The following VAT1L variants were observed in gnomAD, a reference collection of about 807,000 sequenced individuals.
The protein encoded by VAT1L is putative NADPH-dependent quinone oxidoreductase VAT1L.
Under a neutral mutation model 44.1 loss-of-function variants are expected in VAT1L, and 34 were observed. The ratio of observed to expected loss-of-function variants is 0.77; its 90% CI spans 0.59 to 1.03. The LOEUF is 1.03. Ranked by LOEUF, VAT1L falls within the 50% of genes least tolerant of loss-of-function variation. The pLI is 0.00. For synonymous variants in VAT1L, 253 were observed against 202.2 expected, an observed-to-expected ratio of 1.25 and a Z score of -2.13; for missense variants, 615 against 538.8, an observed-to-expected ratio of 1.14 and a Z score of -1.40.
chr16:77,879,346 A>G lies in VAT1L; in HGVS notation c.882+122A>G, dbSNP rs543357582. On this transcript the variant is annotated intron_variant, in intron 6 of 8. Coordinates refer to ENST00000302536, the MANE Select transcript of VAT1L (RefSeq NM_020927.3). This position sits in a 1 kb window ranked among gnomAD's most constrained non-coding sequence, Gnocchi z 4.1. ...TCGTTCTGTCACCAGGCTGGAGTGC[A>G]ATGGCACGATCTCGGCTCATGGCAA... 2.8e-6 allele frequency: 3 copies of G among 1,067,396 alleles called. No individual in the cohort carries two copies. The South Asian group carries it at 4.0e-5, about 14-fold the overall frequency. The allele number at this position is 1,067,396 out of a possible 1,614,324, so 66.1% of individuals were successfully genotyped here. A position where few individuals can be genotyped will look rare whatever the true frequency, so the allele number is the denominator to read the frequency against.
intron 3 of VAT1L, among the ~76,000 whole-genome samples, chr16:77,834,844 T>G (rs1597058010): frequency 6.6e-6 from 1 of 152,126 alleles, no homozygotes; most frequent in Non-Finnish European, 1.5e-5. Context: ...GTCCAAAGCT[T>G]ACCACCGCGA....
chr16:77,969,904 C>T (rs1433604210), intron 7 of VAT1L, among the ~76,000 whole-genome samples: 1 of 151,856 alleles, frequency 6.6e-6, no homozygotes, highest in East Asian at 1.9e-4. Flanking sequence ...TTTTAACAAT[C>T]ATATGACACT....
chr16:77,958,040 T>G (rs2018122578), intron 7 of VAT1L, among the ~76,000 whole-genome samples: 1 of 152,128 alleles, frequency 6.6e-6, no homozygotes, highest in African/African-American at 2.4e-5. Context: ...TCCAAGTAGC[T>G]GGGACTACAG....
rs145640819 is a variant in VAT1L at position 77,860,872 on chromosome 16, G to A, written c.580-1876G>A. On this transcript the variant is annotated intron_variant, in intron 3 of 8. Transcript: ENST00000302536. The stretch of plus-strand genomic sequence containing the variant: ...TGTGCCAGCAACATGTCTATTTTAG[G>A]TAGGAAGTTTAAAGCCTGCTTTGCT... Among the ~76,000 whole-genome samples the A allele has an allele frequency of 1.5e-3, 230 of 152,300 alleles. 1 individual carries two copies. Among genetic ancestry groups the A allele is most frequent in the South Asian group, 5.4e-3 (26 of 4,822 alleles).
chr16:77,791,749 G>C (rs1283101052), intron 1 of VAT1L, among the ~76,000 whole-genome samples: 1 of 152,150 alleles, frequency 6.6e-6, no homozygotes, highest in African/African-American at 2.4e-5. Context: ...ATATTCTCTA[G>C]CTATTTCCAA....
At chr16:77,852,020 C>T (rs1400120116) in intron 3 of VAT1L, among the ~76,000 whole-genome samples, 1 of 152,174 alleles carries the variant, frequency 6.6e-6, no homozygotes, top group Non-Finnish European at 1.5e-5. Flanking sequence ...AGGCTCCCTT[C>T]AGAGCTAGCT....
chr16:77,910,779 C>T (rs77746462), intron 7 of VAT1L, among the ~76,000 whole-genome samples: 1 of 151,912 alleles, frequency 6.6e-6, no homozygotes, highest in Non-Finnish European at 1.5e-5. Context: ...ATCTCCTTGA[C>T]ATTAGTTAAG....
intron 3 of VAT1L, among the ~76,000 whole-genome samples, chr16:77,836,662 CA>C (rs2016642197): frequency 6.6e-6 from 1 of 152,184 alleles, no homozygotes; most frequent in South Asian, 2.1e-4. Context: ...CTCATAGCAG[CA>C]AAATGCCTTA....
intron 7 of VAT1L, among the ~76,000 whole-genome samples, chr16:77,933,859 G>C (rs1173708068): frequency 6.6e-6 from 1 of 152,226 alleles, no homozygotes; most frequent in African/African-American, 2.4e-5. Flanking sequence ...GCCTAGGTCA[G>C]AGAAGTAAGC....
chr16:77,809,828 T>C (rs1303501445), intron 1 of VAT1L, among the ~76,000 whole-genome samples: 3 of 152,212 alleles, frequency 2.0e-5, no homozygotes, highest in Non-Finnish European at 4.4e-5. Context: ...TCAGCTAGTC[T>C]TGTGTTTTAA....
intron 7 of VAT1L, among the ~76,000 whole-genome samples, chr16:77,916,566 G>T (rs2017554111): frequency 6.6e-6 from 1 of 152,092 alleles, no homozygotes; most frequent in Admixed American, 6.6e-5. Flanking sequence ...ATTCTCCCCA[G>T]TCGCTGGGAC....
At chr16:77,917,985 A>G (rs1410330578) in intron 7 of VAT1L, among the ~76,000 whole-genome samples, 2 of 152,178 alleles carry the variant, frequency 1.3e-5, no homozygotes, top group Admixed American at 1.3e-4. Context: ...AACATCAATT[A>G]TTCGTCCCCC....
At chr16:77,794,007 G>A (rs1298949051) in intron 1 of VAT1L, among the ~76,000 whole-genome samples, 1 of 152,144 alleles carries the variant, frequency 6.6e-6, no homozygotes, top group Non-Finnish European at 1.5e-5. Flanking sequence ...GATATTCACA[G>A]ACACATCAGG....
At chr16:77,921,501 T>C (rs868410100) in intron 7 of VAT1L, among the ~76,000 whole-genome samples, 1 of 152,280 alleles carries the variant, frequency 6.6e-6, no homozygotes, top group Non-Finnish European at 1.5e-5. Flanking sequence ...GGACCACAGA[T>C]CCTTTAATTA....
Position 77,931,767 on chromosome 16 carries a change from T to A in VAT1L, c.1078-40083T>A, listed in dbSNP as rs888665808. Among the ~76,000 whole-genome samples the A allele has an allele frequency of 3.9e-5, 6 of 152,316 alleles. No individual in the cohort carries two copies. In the South Asian group the frequency reaches 1.2e-3, roughly 32 times the overall value. Reference sequence around the variant, plus strand: ...AATCACACAGCTGGAAAAATATATATTGATCTTACTAAATGCTAGCACATG... The same window carrying A: ...AATCACACAGCTGGAAAAATATATAATGATCTTACTAAATGCTAGCACATG... On this transcript the variant is annotated intron_variant, in intron 7 of 8. Coordinates refer to ENST00000302536, the MANE Select transcript of VAT1L (RefSeq NM_020927.3).
At chr16:77,858,795 T>C (rs1413028284) in intron 3 of VAT1L, among the ~76,000 whole-genome samples, 1 of 151,990 alleles carries the variant, frequency 6.6e-6, no homozygotes, top group Non-Finnish European at 1.5e-5. Context: ...GGCCAGGAAT[T>C]CTAGACCAGC....
At chr16:77,910,933 T>C (rs1325730212) in intron 7 of VAT1L, among the ~76,000 whole-genome samples, 2 of 152,180 alleles carry the variant, frequency 1.3e-5, no homozygotes, top group African/African-American at 4.8e-5. Flanking sequence ...CCCATTTTAA[T>C]AGATGAGGCA....
intron 1 of VAT1L, among the ~76,000 whole-genome samples, chr16:77,812,887 T>G (rs1424687811): frequency 6.6e-6 from 1 of 152,210 alleles, no homozygotes; most frequent in African/African-American, 2.4e-5. Flanking sequence ...TGAGACAGTC[T>G]TATATTATTT....
In VAT1L at chr16:77,885,931, C is replaced by T. The variant is rs115189197; in HGVS notation, c.1077+1129C>T. On this transcript the variant is annotated intron_variant, in intron 7 of 8. Transcript: ENST00000302536. ...AGCAGGAATGTGCCTATATCTCTCT[C>T]TAATACTGCAGTGTCATGGATGGGC... Among the ~76,000 whole-genome samples the T allele has an allele frequency of 4.9e-3, 739 of 152,252 alleles. 10 individuals carry two copies. The highest frequency in any genetic ancestry group is 0.017 in the African/African-American group (711 of 41,550).
Sources: allele counts gnomAD v4.1 joint callset (sites outside exome capture counted in the v4.1 genomes callset), GRCh38; gene constraint gnomAD v4.1.1; non-coding constraint Gnocchi (gnomAD v3.1); transcripts MANE v1.5; gene names NCBI Gene and HGNC (gene_info 2026-07-23, HGNC 2026-07-21).